Variants in NRXN3 observed in about 807,000 individuals in gnomAD.
NRXN3 encodes neurexin III.
NRXN3 carries 32 observed loss-of-function variants against 137.6 expected under a neutral mutation model. The observed-to-expected ratio is 0.23, with a 90% CI of 0.18 to 0.31. NRXN3 has a LOEUF of 0.31. Ranked by LOEUF, NRXN3 falls within the 10% of genes least tolerant of loss-of-function variation. The pLI is 1.00. For missense variants in NRXN3, 1,574 were observed against 2,062.5 expected, an observed-to-expected ratio of 0.76 and a Z score of 4.59; for synonymous variants, 798 against 784.5, an observed-to-expected ratio of 1.02 and a Z score of -0.29.
intron 19 of NRXN3, among the ~76,000 whole-genome samples, chr14:79,775,018 G>T (rs1486716326): frequency 6.6e-6 from 1 of 151,944 alleles, no homozygotes; most frequent in Non-Finnish European, 1.5e-5. Flanking sequence ...TTGTTAAATG[G>T]AATGGTGACG....
intron 15 of NRXN3, among the ~76,000 whole-genome samples, chr14:79,157,666 T>A (rs1031887350): frequency 2.6e-5 from 4 of 151,858 alleles, no homozygotes; most frequent in African/African-American, 9.7e-5. Context: ...GACTCTAAAG[T>A]TATGTACTGT....
chr14:78,351,039 A>G (rs960955450), intron 4 of NRXN3, among the ~76,000 whole-genome samples: 1 of 152,170 alleles, frequency 6.6e-6, no homozygotes, highest in Admixed American at 6.5e-5. Flanking sequence ...GCCAGAGGCA[A>G]TCTTTGCCAG....
intron 15 of NRXN3, among the ~76,000 whole-genome samples, chr14:79,238,168 G>A (rs113224604): frequency 5.9e-5 from 9 of 152,190 alleles, no homozygotes; most frequent in African/African-American, 2.2e-4. Context: ...TTAGTTTAAT[G>A]CTCTCCTATC....
chr14:78,267,236 A>G (rs1567125226), intron 2 of NRXN3, among the ~76,000 whole-genome samples: 1 of 152,200 alleles, frequency 6.6e-6, no homozygotes, highest in African/African-American at 2.4e-5. Context: ...AATTGATACA[A>G]TGACTCCCAA....
At chr14:79,477,850 G>A (rs187643076) in intron 16 of NRXN3, among the ~76,000 whole-genome samples, 1 of 152,214 alleles carries the variant, frequency 6.6e-6, no homozygotes, top group East Asian at 1.9e-4. Context: ...GGTGTTGTCA[G>A]CAGGTTGGAT....
At chr14:78,827,035 T>C (rs2098968608) in intron 10 of NRXN3, among the ~76,000 whole-genome samples, 1 of 152,218 alleles carries the variant, frequency 6.6e-6, no homozygotes, top group Non-Finnish European at 1.5e-5. Context: ...CTTCAATAGT[T>C]ATCCATGCCT....
At chr14:79,625,906 A>G (rs2098276961) in intron 16 of NRXN3, among the ~76,000 whole-genome samples, 1 of 152,182 alleles carries the variant, frequency 6.6e-6, no homozygotes, top group African/African-American at 2.4e-5. Context: ...TAGTTTCTTT[A>G]TCTAGAAAAC....
chr14:78,435,198 G>C (rs1386016248), intron 4 of NRXN3, among the ~76,000 whole-genome samples: 1 of 152,038 alleles, frequency 6.6e-6, no homozygotes, highest in Non-Finnish European at 1.5e-5. Flanking sequence ...ATTTCTATCT[G>C]GTCTTCACTT....
intron 15 of NRXN3, among the ~76,000 whole-genome samples, chr14:79,146,697 A>G (rs557612703): frequency 3.3e-5 from 5 of 152,266 alleles, no homozygotes; most frequent in Admixed American, 6.5e-5. Flanking sequence ...TAATCTTGGA[A>G]GGAGAGAGTA....
At chr14:79,731,823 ATTTTT>A (rs1160115956) in intron 19 of NRXN3, among the ~76,000 whole-genome samples, 1 of 144,848 alleles carries the variant, frequency 6.9e-6, no homozygotes, top group South Asian at 2.2e-4. Flanking sequence ...TTTATTTTTT[ATTTTT>A]TTTTTTAATT....
At chr14:78,539,056 G>C (rs532102544) in intron 4 of NRXN3, among the ~76,000 whole-genome samples, 1 of 152,188 alleles carries the variant, frequency 6.6e-6, no homozygotes, top group Admixed American at 6.5e-5. Flanking sequence ...GTTCATCAGG[G>C]ATATTGGTCT....
At chr14:79,365,414 A>G (rs1248682148) in intron 15 of NRXN3, among the ~76,000 whole-genome samples, 1 of 152,176 alleles carries the variant, frequency 6.6e-6, no homozygotes, top group African/African-American at 2.4e-5. Flanking sequence ...TGTATTTGCC[A>G]TCTCACCACA....
chr14:79,204,615 A>AT (rs1453110432), intron 15 of NRXN3, among the ~76,000 whole-genome samples: 6 of 152,234 alleles, frequency 3.9e-5, no homozygotes, highest in Non-Finnish European at 7.4e-5. Context: ...TCATTTTCAT[A>AT]TTTTAAGTCA....
intron 10 of NRXN3, among the ~76,000 whole-genome samples, chr14:78,880,198 C>T (rs1184146620): frequency 6.9e-6 from 1 of 144,664 alleles, no homozygotes; most frequent in African/African-American, 2.6e-5. Context: ...CGAGATCCCG[C>T]CACTGCACTC....
At chr14:79,110,580 C>A (rs189297566) in intron 15 of NRXN3, among the ~76,000 whole-genome samples, 1 of 152,214 alleles carries the variant, frequency 6.6e-6, no homozygotes, top group East Asian at 1.9e-4. Flanking sequence ...ATGCATTTGG[C>A]ATTTGCTGTT....
At chr14:78,849,148 G>T (rs2099035865) in intron 10 of NRXN3, among the ~76,000 whole-genome samples, 1 of 152,000 alleles carries the variant, frequency 6.6e-6, no homozygotes. Context: ...TTAAGGAGTG[G>T]GTCTGTATTC....
At chr14:79,021,905 A>G (rs1274552702) in intron 15 of NRXN3, among the ~76,000 whole-genome samples, 4 of 152,212 alleles carry the variant, frequency 2.6e-5, no homozygotes, top group Non-Finnish European at 5.9e-5. Context: ...AAGTTGTGGC[A>G]TAGTGTTGGG....
At chr14:78,330,553 A>C (rs927290006) in intron 4 of NRXN3, among the ~76,000 whole-genome samples, 1 of 152,184 alleles carries the variant, frequency 6.6e-6, no homozygotes, top group African/African-American at 2.4e-5. Context: ...TCTCAGAGCT[A>C]ATCTAAAACT....
intron 19 of NRXN3, among the ~76,000 whole-genome samples, chr14:79,803,242 A>G (rs1233027435): frequency 6.6e-6 from 1 of 152,114 alleles, no homozygotes; most frequent in African/African-American, 2.4e-5. Flanking sequence ...TAGGATGTCT[A>G]TTTAAAAAAA....
Sources: gnomAD v4.1 joint callset for allele counts (sites outside exome capture counted in the v4.1 genomes callset) on GRCh38, gnomAD v4.1.1 for gene constraint, MANE v1.5 for transcripts, NCBI Gene and HGNC (gene_info 2026-07-23, HGNC 2026-07-21) for gene names.